The following NELL1 variants were observed in gnomAD, a reference collection of about 807,000 sequenced individuals.
The protein encoded by NELL1 is protein kinase C-binding protein NELL1.
A neutral mutation model predicts 107.4 loss-of-function variants in NELL1; 76 were observed. The ratio of observed to expected loss-of-function variants is 0.71; its 90% CI spans 0.59 to 0.86. NELL1 has a LOEUF of 0.86. NELL1 is among the 40% of genes least tolerant of loss of function. The probability of loss-of-function intolerance (pLI) is 0.00; values close to 1 mark genes in which losing one functional copy is unlikely to be tolerated. For missense variants in NELL1, 1,024 were observed against 1,005.5 expected (o/e 1.02, Z -0.25); for synonymous variants, 353 against 341.2 (o/e 1.03, Z -0.38).
intron 15 of NELL1, among the ~76,000 whole-genome samples, chr11:21,411,750 A>AAATGATTCAGGTGAGG (rs1852381993): frequency 6.6e-6 from 1 of 151,930 alleles, no homozygotes; most frequent in Non-Finnish European, 1.5e-5. Context: ...TTCAGGTGAG[A>AAATGATTCAGGTGAGG]TAAATGATTC....
At chr11:20,929,436 CTTT>C (rs562139864) in intron 9 of NELL1, among the ~76,000 whole-genome samples, 3 of 142,932 alleles carry the variant, frequency 2.1e-5, no homozygotes, top group Admixed American at 7.1e-5. Context: ...TGTAATCTTC[CTTT>C]TTTTTTTTTT....
At chr11:21,003,615 C>T (rs1199765402) in intron 12 of NELL1, among the ~76,000 whole-genome samples, 1 of 151,980 alleles carries the variant, frequency 6.6e-6, no homozygotes, top group African/African-American at 2.4e-5. Context: ...TCTGTTTTGC[C>T]CTGCTGTTTT....
chr11:21,462,661 C>T (rs1853927574), intron 15 of NELL1, among the ~76,000 whole-genome samples: 1 of 152,060 alleles, frequency 6.6e-6, no homozygotes, highest in South Asian at 2.1e-4. Context: ...ACAGGTTTCT[C>T]TTTGAACCCT....
chr11:20,717,095 G>T (rs1855270115), intron 2 of NELL1, among the ~76,000 whole-genome samples: 1 of 152,104 alleles, frequency 6.6e-6, no homozygotes, highest in South Asian at 2.1e-4. Flanking sequence ...ACATCTTCAT[G>T]CATACCTCCT....
At chr11:21,497,407 T>C (rs1855011309) in intron 15 of NELL1, among the ~76,000 whole-genome samples, 1 of 152,144 alleles carries the variant, frequency 6.6e-6, no homozygotes, top group Non-Finnish European at 1.5e-5. Flanking sequence ...GTCTTCAACT[T>C]TTTACTATTT....
intron 4 of NELL1, among the ~76,000 whole-genome samples, chr11:20,856,767 G>A (rs571278615): frequency 6.6e-5 from 10 of 152,318 alleles, no homozygotes; most frequent in South Asian, 4.1e-4. Context: ...ATAACACCAC[G>A]CTAAGGAAAA....
At chr11:20,987,639 C>T (rs1039250578) in intron 12 of NELL1, among the ~76,000 whole-genome samples, 2 of 152,126 alleles carry the variant, frequency 1.3e-5, no homozygotes, top group Non-Finnish European at 2.9e-5. Context: ...GATTCAATTA[C>T]CTCCCACCGG....
intron 16 of NELL1, among the ~76,000 whole-genome samples, chr11:21,559,277 A>C (rs536520288): frequency 1.3e-4 from 20 of 152,184 alleles, no homozygotes; most frequent in African/African-American, 4.6e-4. Context: ...AAATGAGTAG[A>C]AGTTACTCGG....
At chr11:20,916,958 G>A (rs1273488284) in intron 5 of NELL1, among the ~76,000 whole-genome samples, 1 of 151,896 alleles carries the variant, frequency 6.6e-6, no homozygotes. Context: ...GACAGATCCA[G>A]AACTTGAAAC....
chr11:21,406,582 GAAC>G (rs1852241802), intron 15 of NELL1, among the ~76,000 whole-genome samples: 1 of 151,964 alleles, frequency 6.6e-6, no homozygotes, highest in African/African-American at 2.4e-5. Flanking sequence ...AGGTAATTTA[GAAC>G]TACATCTAAC....
chr11:21,112,997 T>A (rs536064160), intron 12 of NELL1, among the ~76,000 whole-genome samples: 1 of 152,132 alleles, frequency 6.6e-6, no homozygotes, highest in South Asian at 2.1e-4. Context: ...AGAACAAGAC[T>A]TTTTGTTGAA....
chr11:21,265,443 A>T (rs981311748), intron 14 of NELL1, among the ~76,000 whole-genome samples: 3 of 152,042 alleles, frequency 2.0e-5, no homozygotes, highest in African/African-American at 7.2e-5. Context: ...CTGGCTCTCC[A>T]CAGTTTTCTG....
rs1255357521 is a variant in NELL1, at chr11:20,740,608, G to C, written c.185-43072G>C. Among the ~76,000 whole-genome samples the C allele has an allele frequency of 6.6e-5, 10 of 152,060 alleles. 1 individual carries two copies. The highest frequency in any genetic ancestry group is 6.5e-4 in the Admixed American group (10 of 15,276). ...CCCTTAACAGATTGCTGCTGATGCTGGTGTCCCAAGTTGCAGCATTTGATT... is the reference window on the plus strand; with the variant it reads ...CCCTTAACAGATTGCTGCTGATGCTCGTGTCCCAAGTTGCAGCATTTGATT... On this transcript the variant is annotated intron_variant, in intron 2 of 19. Transcript: ENST00000357134.
chr11:20,706,207 C>T (rs1854948860), intron 2 of NELL1, among the ~76,000 whole-genome samples: 1 of 152,134 alleles, frequency 6.6e-6, no homozygotes, highest in African/African-American at 2.4e-5. Flanking sequence ...GCTATAAAGA[C>T]ACATGCACAC....
At chr11:21,086,602 G>A (rs1030359249) in intron 12 of NELL1, among the ~76,000 whole-genome samples, 9 of 152,098 alleles carry the variant, frequency 5.9e-5, no homozygotes, top group Admixed American at 3.3e-4. Context: ...CCAGTTACAC[G>A]TGGGAACTTC....
rs1419578170 is a variant in NELL1, at chr11:21,573,250, A to G, written c.2223A>G (p.Leu741=). ...TGAGCTGTGAGTATACAGCTATCTTAGAAGGGGAATGTTGTCCCCGCTGTG... is the reference window on the plus strand; with the variant it reads ...TGAGCTGTGAGTATACAGCTATCTTGGAAGGGGAATGTTGTCCCCGCTGTG... ...PNLSCEYTAI[L]EGECCPRCVS... is the part of the protein sequence containing the mutation. The change falls in exon 19 of 20, where the codon TTA becomes TTG. Residue 741 remains leucine, a synonymous_variant. Transcript: ENST00000357134. 1 of 1,612,472 alleles carries G rather than the reference A, an allele frequency of 6.2e-7. No individual in the cohort carries two copies. Among genetic ancestry groups the G allele is most frequent in the Non-Finnish European group, 8.5e-7 (1 of 1,179,032 alleles).
chr11:21,066,208 CA>C (rs1853866363), intron 12 of NELL1, among the ~76,000 whole-genome samples: 1 of 152,174 alleles, frequency 6.6e-6, no homozygotes, highest in Non-Finnish European at 1.5e-5. Flanking sequence ...AATCTCTTCA[CA>C]AAGACATTGT....
intron 3 of NELL1, among the ~76,000 whole-genome samples, chr11:20,787,007 CAAAAAAAAAA>C (rs71443763): frequency 1.6e-5 from 1 of 60,854 alleles, no homozygotes; most frequent in African/African-American, 8.1e-5. Flanking sequence ...GACTCCGTCT[CAAAAAAAAAA>C]AAAAAAAAAA....
chr11:20,761,533 G>T (rs1242934753), intron 2 of NELL1, among the ~76,000 whole-genome samples: 1 of 152,162 alleles, frequency 6.6e-6, no homozygotes, highest in Admixed American at 6.5e-5. Context: ...GAAATATTTT[G>T]TAGTCTCAGC....
Sources: gnomAD v4.1 joint callset for allele counts (sites outside exome capture counted in the v4.1 genomes callset) on GRCh38, gnomAD v4.1.1 for gene constraint, MANE v1.5 for transcripts, NCBI Gene and HGNC (gene_info 2026-07-23, HGNC 2026-07-21) for gene names.